The following WDR90 variants were observed in gnomAD, a reference collection of about 807,000 sequenced individuals.
WDR90 encodes WD repeat domain 90.
Under a neutral mutation model 195.2 loss-of-function variants are expected in WDR90, and 238 were observed. The observed-to-expected ratio is 1.22, with a 90% CI of 1.10 to 1.36. The LOEUF (loss-of-function observed/expected upper bound fraction) is 1.36, where lower values mean the gene tolerates loss of function less well. WDR90 is among the 40% of genes most tolerant of loss of function. WDR90 has a pLI of 0.00. For synonymous variants in WDR90, 1,265 were observed against 1,052.4 expected (o/e 1.20, Z -3.91); for missense variants, 2,734 against 2,439.5 (o/e 1.12, Z -2.54).
At position 654,871 on chromosome 16, in the gene WDR90, GA is replaced by G. The variant is rs1467555735; in HGVS notation, c.1438-157del. On this transcript the variant is annotated intron_variant, in intron 13 of 40. Transcript: ENST00000293879. ...CCCAAAGCTTCAGGATGAGAAGATG[GA>G]GGGGCTGGTTTCCTTCCACTCTCCA... is the stretch of plus-strand genomic sequence containing the variant. The G allele has an allele frequency of 9.4e-6, 6 of 638,260 alleles. No homozygotes were observed. In the Admixed American group the frequency reaches 1.1e-4, roughly 12 times the overall value. 39.5% of individuals were successfully genotyped at this position (638,260 alleles called of 1,614,324 possible).
chr16:656,248 A>G, intron 17 of WDR90, 54 bp from the exon 18 acceptor site: 1 of 1,522,268 alleles, frequency 6.6e-7, no homozygotes, highest in Non-Finnish European at 8.9e-7. Flanking sequence ...AAGCCTGAGC[A>G]TGCGGCTCAC....
chr16:660,978 G>GTC, intron 28 of WDR90, 73 bp from the exon 29 acceptor site: 1 of 119,638 alleles, frequency 8.4e-6, no homozygotes, highest in Non-Finnish European at 1.1e-5. Flanking sequence ...CCCCTGTTCG[G>GTC]CCCCTCCCCA....
At chr16:655,197 T>G (rs768272687) in intron 14 of WDR90, 50 bp downstream of exon 14, 3 of 1,611,872 alleles carry the variant, frequency 1.9e-6, no homozygotes, top group Non-Finnish European at 2.5e-6. Flanking sequence ...GGGCCCGGAG[T>G]GGGGGCCGAG....
rs774505239 is a variant in WDR90 at position 651,096 on chromosome 16, C to G, written c.661C>G (p.His221Asp). The G allele has an allele frequency of 8.1e-6, 13 of 1,613,480 alleles. No homozygotes were observed. Among genetic ancestry groups the G allele is most frequent in the Non-Finnish European group, 1.1e-5 (13 of 1,179,938 alleles). The change falls in exon 6 of 41, where the codon CAC (histidine) becomes GAC (aspartate). Residue 221 changes from histidine to aspartate, a missense_variant. Coordinates refer to ENST00000293879, the MANE Select transcript of WDR90 (RefSeq NM_145294.5). ...KGESWHDRYI[H>D]VRFPSESLKV... ...AGAGAGCTGGCATGACCGCTACATC[C>G]ACGTCCGGTGAGTGGTTCTGCTTCT...
At chr16:655,201 G>T in intron 14 of WDR90, 54 bp downstream of exon 14, 1 of 1,612,224 alleles carries the variant, frequency 6.2e-7, no homozygotes, top group Non-Finnish European at 8.5e-7. Flanking sequence ...CCGGAGTGGG[G>T]GCCGAGGCCC....
At position 661,965 on chromosome 16, in the gene WDR90, G is replaced by C. The variant is rs578043449; in HGVS notation, c.3939G>C (p.Leu1313=). Residue 1313 remains leucine, a synonymous_variant, in exon 32 of 41, where the codon CTG becomes CTC. Transcript: ENST00000293879. The part of the protein sequence containing the change: ...LTSLCYGAPP[L]LYCGTSSGQV... ...CGCTCTGCTACGGGGCACCTCCCCT[G>C]CTCTATTGTGGCACCAGCTCTGGCC... 4 of 1,606,768 alleles carry C rather than the reference G, an allele frequency of 2.5e-6. No individual in the cohort carries two copies. In the Admixed American group the frequency reaches 6.7e-5, roughly 27 times the overall value.
At chr16:649,269 G>A (rs772283465), upstream of WDR90, 729 of 937,244 alleles carry the variant, frequency 7.8e-4, no homozygotes, top group Non-Finnish European at 9.7e-4. Context: ...TACTCCCACC[G>A]GGGAGGTCAC....
chr16:652,654 CCCCCTGG>C, intron 10 of WDR90, 119 bp downstream of exon 10: 5 of 1,117,198 alleles, frequency 4.5e-6, no homozygotes, highest in Non-Finnish European at 5.9e-6. Context: ...GCTCCCGAGC[CCCCCTGG>C]CACAGCGGTC....
At position 653,696 on chromosome 16, in the gene WDR90, G is replaced by T. The variant is rs748986429; in HGVS notation, c.1379+26G>T. On this transcript the variant is annotated intron_variant, in intron 12 of 40. Transcript: ENST00000293879. ...GTGAGCACAGGTCTGCCCCATGCAGGGGGAGGGGGTCAGCCCAGGCGACAA... is the reference window on the plus strand; with the variant it reads ...GTGAGCACAGGTCTGCCCCATGCAGTGGGAGGGGGTCAGCCCAGGCGACAA... 4.3e-6 allele frequency: 7 copies of T among 1,613,178 alleles called. 1 individual carries two copies. In the South Asian group the frequency reaches 6.6e-5, roughly 15 times the overall value.
At chr16:652,159 C>A (rs1567214590) in intron 9 of WDR90, 120 bp downstream of exon 9, 2 of 1,240,198 alleles carry the variant, frequency 1.6e-6, no homozygotes, top group African/African-American at 1.5e-5. Context: ...TGTTCAGCCT[C>A]CTGGCAAGGA....
rs1017658054 is a variant in WDR90, at chr16:656,020, A to G, written c.1966+131A>G. ...GGCTGCACAGGGTGCCACGGGGCCA[A>G]GTGGCATATCCAGAGCCCTGGGGCG... On this transcript the variant is annotated intron_variant, in intron 17 of 40. Coordinates refer to ENST00000293879, the MANE Select transcript of WDR90 (RefSeq NM_145294.5). 7 of 1,136,098 alleles carry G rather than the reference A, an allele frequency of 6.2e-6. No homozygotes were observed. The African/African-American group carries it at 9.4e-5, about 15-fold the overall frequency. The allele number at this position is 1,136,098 out of a possible 1,614,324, so 70.4% of individuals were successfully genotyped here. A position where few individuals can be genotyped will look rare whatever the true frequency, so the allele number is the denominator to read the frequency against.
intron 35 of WDR90, 50 bp downstream of exon 35, chr16:665,851 G>A (rs762491704): frequency 1.3e-6 from 2 of 1,552,966 alleles, no homozygotes; most frequent in Non-Finnish European, 1.7e-6. Flanking sequence ...CTGCTCAGTG[G>A]GGGGCCTGGC....
At position 658,919 on chromosome 16, in the gene WDR90, C is replaced by T. The variant is rs368313671; in HGVS notation, c.2919C>T (p.Pro973=). 2.6e-5 allele frequency: 42 copies of T among 1,612,386 alleles called. No homozygotes were observed. The highest frequency in any genetic ancestry group is 5.0e-5 in the Admixed American group (3 of 59,996). ...GPQVYIGHSE[P]VQAVAFSPDQ... ...AGGTGTACATCGGCCACTCGGAACC[C>T]GTGCAGGCTGTGGCCTTCTCTCCTG... Residue 973 remains proline, a synonymous_variant, in exon 24 of 41, where the codon CCC becomes CCT. Coordinates refer to ENST00000293879, the MANE Select transcript of WDR90 (RefSeq NM_145294.5).
intron 22 of WDR90, 51 bp from the exon 23 acceptor site, chr16:658,474 T>C (rs753836932): frequency 6.3e-7 from 1 of 1,586,694 alleles, no homozygotes; most frequent in Non-Finnish European, 8.6e-7. Flanking sequence ...GGCCCCAGGC[T>C]GCTGGCCACT....
chr16:660,457 C>T, intron 27 of WDR90, 155 bp from the exon 28 acceptor site: 7 of 767,922 alleles, frequency 9.1e-6, no homozygotes, highest in Non-Finnish European at 1.5e-5. Context: ...ACAGTGCCCA[C>T]AGCTCCCACA....
chr16:654,888 C>T (rs1053797540), intron 13 of WDR90, 141 bp from the exon 14 acceptor site: 1 of 713,160 alleles, frequency 1.4e-6, no homozygotes. Flanking sequence ...TGGTTTCCTT[C>T]CACTCTCCAC....
At chr16:662,514 G>A in intron 33 of WDR90, 165 bp from the exon 34 acceptor site, 3 of 1,198,308 alleles carry the variant, frequency 2.5e-6, no homozygotes, top group Non-Finnish European at 3.4e-6. Flanking sequence ...ACGGGCATGG[G>A]CCCAGAAGCC....
chr16:660,722 C>A lies in WDR90; in HGVS notation c.3391+8C>A. ...TCTGGAGGCCGGACACAGGTGGGGG[C>A]CAAGAGCCTACCCCCACCCCCAGCC... On this transcript the variant is annotated splice_region_variant and intron_variant, in intron 28 of 40. Transcript: ENST00000293879. The A allele has an allele frequency of 6.5e-7, 1 of 1,548,658 alleles. No individual in the cohort carries two copies. Among genetic ancestry groups the A allele is most frequent in the Non-Finnish European group, 8.7e-7 (1 of 1,143,434 alleles).
chr16:651,199 G>C lies in WDR90; in HGVS notation c.669G>C (p.Arg223=), dbSNP rs2037640082. The C allele has an allele frequency of 3.1e-6, 5 of 1,613,106 alleles. No individual in the cohort carries two copies. The highest frequency in any genetic ancestry group is 4.2e-6 in the Non-Finnish European group (5 of 1,180,004). ...ACTGACTCTCCCTCTGCCTGCCAAG[G>C]TTTCCAAGTGAGAGCTTGAAAGTGC... ...ESWHDRYIHV[R]FPSESLKVPS... is the part of the protein sequence containing the mutation. The change falls in exon 7 of 41, where the codon CGG becomes CGC. Residue 223 remains arginine (R), a splice_region_variant and synonymous_variant. Coordinates refer to ENST00000293879, the MANE Select transcript of WDR90 (RefSeq NM_145294.5).
Sources: allele counts gnomAD v4.1 joint callset, GRCh38; gene constraint gnomAD v4.1.1; transcripts MANE v1.5; gene names NCBI Gene and HGNC (gene_info 2026-07-23, HGNC 2026-07-21).